ALX3: variants seen among roughly 807,000 people sequenced by gnomAD.
ALX3 encodes the protein ALX homeobox 3, also known as homeobox protein aristaless-like 3.
ALX3 carries 17 observed loss-of-function variants against 26.3 expected under a neutral mutation model. The ratio of observed to expected loss-of-function variants is 0.65; its 90% CI spans 0.44 to 0.97. The LOEUF is 0.97. Ranked by LOEUF, ALX3 falls within the 50% of genes least tolerant of loss-of-function variation. The pLI is 0.00. For synonymous variants in ALX3, 208 were observed against 201.4 expected (o/e 1.03, Z -0.28); for missense variants, 461 against 466.5 (o/e 0.99, Z 0.11).
rs144691777 is a variant in ALX3 at position 110,065,645 on chromosome 1, C to T, written c.278-742G>A. Among the ~76,000 whole-genome samples, 926 of 152,306 alleles carry T rather than the reference C, an allele frequency of 6.1e-3. 15 individuals carry two copies. The highest frequency in any genetic ancestry group is 0.021 in the African/African-American group (881 of 41,556). Reference sequence around the variant, plus strand: ...AAGAAGGAGAGTTGGGGACCAGTGTCACAACAGGGCACAGCCCCTGTCCCC... The same window carrying T: ...AAGAAGGAGAGTTGGGGACCAGTGTTACAACAGGGCACAGCCCCTGTCCCC... On this transcript the variant is annotated intron_variant, in intron 1 of 3. Transcript: ENST00000647563.
rs751044375 is a variant in ALX3, at chr1:110,061,449, C to G, written c.709G>C (p.Asp237His). ...TGGGGTCTTACCTGAGGGTGGCTGT[C>G]AGTACGGGGCAGCACAGAGATGTCA... Reference protein sequence around the residue: ...AYDISVLPRTDSHPQLQNSLW... With the variant: ...AYDISVLPRTHSHPQLQNSLW... Residue 237 changes from aspartate (D) to histidine (H), a missense_variant, in exon 3 of 4, where the codon GAC (aspartate) becomes CAC (histidine). Physicochemically the swap from Asp to His is moderately conservative, Grantham distance 81. This residue lies in a region of ALX3 where 169 missense variants were observed against 178.0 expected (regional missense o/e 0.95). Transcript: ENST00000647563. 6 of 1,614,230 alleles carry G rather than the reference C, an allele frequency of 3.7e-6. No individual in the cohort carries two copies. Among genetic ancestry groups the G allele is most frequent in the Non-Finnish European group, 5.1e-6 (6 of 1,180,036 alleles).
At position 110,060,767 on chromosome 1, in the gene ALX3, T is replaced by G. The variant is rs141042736; in HGVS notation, c.998A>C (p.Lys333Thr). ...CCAGTTCAGAAGGCCGGGTGGCTCC[T>G]TGGGCTTTACCCTGAGCGAGACGAG... Reference protein sequence around the residue: ...PSLVSLRVKPKEPPGLLNWTT With the variant: ...PSLVSLRVKPTEPPGLLNWTT The change falls in exon 4 of 4, where the codon AAG (lysine) becomes ACG (threonine). Residue 333 changes from lysine (K) to threonine (T), a missense_variant. Physicochemically the swap from Lys to Thr is moderately conservative, Grantham distance 78. This residue lies in a region of ALX3 where 169 missense variants were observed against 178.0 expected (regional missense o/e 0.95). Transcript: ENST00000647563. The G allele has an allele frequency of 5.8e-5, 87 of 1,500,664 alleles. No individual in the cohort carries two copies. Among genetic ancestry groups the G allele is most frequent in the Middle Eastern group, 5.2e-4 (3 of 5,726 alleles). 93.0% of individuals were successfully genotyped at this position (1,500,664 alleles called of 1,614,324 possible).
At chr1:110,068,310 A>G (rs1448289109) in intron 1 of ALX3, among the ~76,000 whole-genome samples, 1 of 152,194 alleles carries the variant, frequency 6.6e-6, no homozygotes, top group African/African-American at 2.4e-5. Context: ...TTCGCCCGCC[A>G]CTTCCCACCA....
rs759311249 is a variant in ALX3 at position 110,064,753 on chromosome 1, G to T, written c.428C>A (p.Ser143Tyr). ...GCTCTTGTTCTTGGCCAACTCCATG[G>T]AGTCAGGGAGTCCCGGGGAAAGAGG... ...HLPLSPGLPD[S>Y]MELAKNKSKK... Residue 143 changes from serine (S) to tyrosine (Y), a missense_variant, in exon 2 of 4, where the codon TCC (serine) becomes TAC (tyrosine). Coordinates refer to ENST00000647563, the MANE Select transcript of ALX3 (RefSeq NM_006492.3). 5.0e-6 allele frequency: 8 copies of T among 1,614,250 alleles called. No homozygotes were observed. Among genetic ancestry groups the T allele is most frequent in the Non-Finnish European group, 6.8e-6 (8 of 1,180,044 alleles).
At chr1:110,061,183 C>T in intron 3 of ALX3, 142 bp from the exon 4 acceptor site, 2 of 1,074,374 alleles carry the variant, frequency 1.9e-6, no homozygotes, top group Middle Eastern at 6.0e-4. Context: ...CCTCTCACCC[C>T]CAACACTGGC....
intron 1 of ALX3, among the ~76,000 whole-genome samples, chr1:110,066,345 G>T (rs1189150797): frequency 6.6e-6 from 1 of 152,172 alleles, no homozygotes; most frequent in Non-Finnish European, 1.5e-5. Context: ...CTGTACACAG[G>T]CCTGTACACA....
At chr1:110,062,737 G>A (rs868615006) in intron 2 of ALX3, among the ~76,000 whole-genome samples, 1 of 151,922 alleles carries the variant, frequency 6.6e-6, no homozygotes, top group African/African-American at 2.4e-5. Context: ...CAGTGAAGGG[G>A]CTGTGCATAC....
chr1:110,070,485 G>A lies in ALX3; in HGVS notation c.128C>T (p.Pro43Leu), dbSNP rs1557804896. 3.2e-6 allele frequency: 4 copies of A among 1,261,562 alleles called. No homozygotes were observed. The highest frequency in any genetic ancestry group is 4.0e-6 in the Non-Finnish European group (4 of 1,003,864). The allele number at this position is 1,261,562 out of a possible 1,614,324, so 78.1% of individuals were successfully genotyped here. The part of the protein sequence containing the change: ...AAAPHLHPAP[P>L]RGPRLTRFPA... ...AAAGCGGGTCAGCCGCGGGCCGCGG[G>A]GCGGCGCGGGGTGCAGGTGAGGCGC... The change falls in exon 1 of 4, where the codon CCC becomes CTC. Residue 43 changes from proline to leucine, a missense_variant. Physicochemically the swap from Pro to Leu is moderately conservative, Grantham distance 98. Around this residue, in one of 3 missense-constraint regions of ALX3, gnomAD observed 241 missense variants for 206.1 expected, o/e 1.17. Coordinates refer to ENST00000647563, the MANE Select transcript of ALX3 (RefSeq NM_006492.3).
intron 1 of ALX3, among the ~76,000 whole-genome samples, chr1:110,066,070 C>G (rs1414662434): frequency 6.6e-6 from 1 of 152,252 alleles, no homozygotes; most frequent in Non-Finnish European, 1.5e-5. Flanking sequence ...CTAGCTGGCA[C>G]AAGAGGCAGT....
chr1:110,061,105 G>A, intron 3 of ALX3, 64 bp from the exon 4 acceptor site: 2 of 1,538,954 alleles, frequency 1.3e-6, no homozygotes, highest in Admixed American at 1.9e-5. Flanking sequence ...CCCTACCCAG[G>A]GGCTTTCTCT....
chr1:110,065,413 C>T (rs959355111), intron 1 of ALX3, among the ~76,000 whole-genome samples: 8 of 152,186 alleles, frequency 5.3e-5, no homozygotes, highest in Non-Finnish European at 1.0e-4. Context: ...GCTCAGACCA[C>T]CTTTGGCTGG....
In ALX3 at chr1:110,060,833, C is replaced by T; in HGVS notation, c.932G>A (p.Ser311Asn). The change falls in exon 4 of 4, where the codon AGC (serine) becomes AAC (asparagine). Residue 311 changes from serine (S) to asparagine (N), a missense_variant. Physicochemically the swap from Ser to Asn is conservative, Grantham distance 46. This residue lies in a region of ALX3 where 169 missense variants were observed against 178.0 expected (regional missense o/e 0.95). Transcript: ENST00000647563. ...GTCACCATCTGAGGAAGGCTCAAAG[C>T]TGTGGCCCCCCAGGGTGGGGGGAAA... ...HGFPPTLGGH[S>N]FEPSSDGDYK... The T allele has an allele frequency of 1.2e-6, 2 of 1,614,076 alleles. No homozygotes were observed. The highest frequency in any genetic ancestry group is 1.7e-6 in the Non-Finnish European group (2 of 1,180,014).
chr1:110,068,112 C>T (rs1349695967), intron 1 of ALX3, among the ~76,000 whole-genome samples: 1 of 152,250 alleles, frequency 6.6e-6, no homozygotes, highest in Non-Finnish European at 1.5e-5. Flanking sequence ...AAAGGGCGGC[C>T]TGGGGCTGCG....
chr1:110,061,716 C>T (rs1159813293), intron 2 of ALX3, 153 bp from the exon 3 acceptor site: 14 of 1,244,102 alleles, frequency 1.1e-5, no homozygotes, highest in Non-Finnish European at 1.4e-5. Context: ...GTTCTCCAGG[C>T]CAGGGAAGCC....
At position 110,070,517 on chromosome 1, in the gene ALX3, G is replaced by A; in HGVS notation, c.96C>T (p.Pro32=). Residue 32 remains proline, a synonymous_variant, in exon 1 of 4, where the codon CCC becomes CCT. Coordinates refer to ENST00000647563, the MANE Select transcript of ALX3 (RefSeq NM_006492.3). ...GDEPPGPQGT[P]AAAPHLHPAP... ...CGGGGTGCAGGTGAGGCGCAGCGGC[G>A]GGGGTTCCCTGCGGGCCCGGAGGCT... 4 of 1,285,100 alleles carry A rather than the reference G, an allele frequency of 3.1e-6. No individual in the cohort carries two copies. Among genetic ancestry groups the A allele is most frequent in the Non-Finnish European group, 3.9e-6 (4 of 1,016,916 alleles). 79.6% of individuals were successfully genotyped at this position (1,285,100 alleles called of 1,614,324 possible).
chr1:110,070,472 C>A lies in ALX3; in HGVS notation c.141G>T (p.Arg47=). 7.9e-7 allele frequency: 1 copy of A among 1,257,952 alleles called. No homozygotes were observed. Among genetic ancestry groups the A allele is most frequent in the Non-Finnish European group, 1.0e-6 (1 of 1,001,612 alleles). 77.9% of individuals were successfully genotyped at this position (1,257,952 alleles called of 1,614,324 possible). The change falls in exon 1 of 4, where the codon CGG becomes CGT. Residue 47 remains arginine (R), a synonymous_variant. Coordinates refer to ENST00000647563, the MANE Select transcript of ALX3 (RefSeq NM_006492.3). Reference sequence around the variant, plus strand: ...GCCCGCAGGCCGGAAAGCGGGTCAGCCGCGGGCCGCGGGGCGGCGCGGGGT... The same window carrying A: ...GCCCGCAGGCCGGAAAGCGGGTCAGACGCGGGCCGCGGGGCGGCGCGGGGT... ...HLHPAPPRGP[R]LTRFPACGPL... is the part of the protein sequence containing the mutation.
At chr1:110,063,620 C>T (rs2101796315) in intron 2 of ALX3, among the ~76,000 whole-genome samples, 1 of 152,092 alleles carries the variant, frequency 6.6e-6, no homozygotes, top group South Asian at 2.1e-4. Context: ...CCTGCTAAGT[C>T]TCCTCCATGG....
intron 1 of ALX3, among the ~76,000 whole-genome samples, chr1:110,066,664 T>A (rs937089472): frequency 1.4e-5 from 2 of 142,292 alleles, no homozygotes; most frequent in African/African-American, 2.6e-5. Flanking sequence ...CTTGGTGTCT[T>A]GTGTTTGTAG....
chr1:110,070,547 C>A lies in ALX3; in HGVS notation c.66G>T (p.Gly22=). 7.7e-7 allele frequency: 1 copy of A among 1,299,424 alleles called. No individual in the cohort carries two copies. Among genetic ancestry groups the A allele is most frequent in the South Asian group, 2.2e-5 (1 of 45,866 alleles). 80.5% of individuals were successfully genotyped at this position (1,299,424 alleles called of 1,614,324 possible). ...GPAPGPYVAS[G]DEPPGPQGTP... ...TTCCCTGCGGGCCCGGAGGCTCGTC[C>A]CCCGAGGCCACATAGGGGCCGGGTG... The change falls in exon 1 of 4, where the codon GGG becomes GGT. Residue 22 remains glycine (G), a synonymous_variant. Coordinates refer to ENST00000647563, the MANE Select transcript of ALX3 (RefSeq NM_006492.3).
Sources: gnomAD v4.1 joint callset for allele counts (sites outside exome capture counted in the v4.1 genomes callset) on GRCh38, gnomAD v4.1.1 for gene constraint, gnomAD v4.1.1 regional missense constraint, MANE v1.5 for transcripts, NCBI Gene and HGNC (gene_info 2026-07-23, HGNC 2026-07-21) for gene names.